The following DCC variants were observed in gnomAD, a reference collection of about 807,000 sequenced individuals.
DCC encodes the protein netrin receptor DCC.
DCC carries 58 observed loss-of-function variants against 172.5 expected under a neutral mutation model. That is an observed-to-expected ratio of 0.34 (90% confidence interval 0.27 to 0.42). The LOEUF is 0.42. DCC is among the 10% of genes least tolerant of loss of function. The pLI is 1.00. For synonymous variants in DCC, 709 were observed against 644.5 expected (o/e 1.10, Z -1.52); for missense variants, 1,740 against 1,791.0 (o/e 0.97, Z 0.51).
intron 1 of DCC, among the ~76,000 whole-genome samples, chr18:52,457,011 T>C (rs1988478881): frequency 6.6e-6 from 1 of 152,146 alleles, no homozygotes; most frequent in Non-Finnish European, 1.5e-5. Flanking sequence ...AGAATCCCAA[T>C]TATACTTCAC....
intron 2 of DCC, among the ~76,000 whole-genome samples, chr18:52,775,343 C>T (rs1210680137): frequency 6.6e-6 from 1 of 152,158 alleles, no homozygotes; most frequent in Non-Finnish European, 1.5e-5. Flanking sequence ...ATACAGGGTG[C>T]TCTCTTAGTT....
chr18:52,461,888 A>G (rs1193979319), intron 1 of DCC, among the ~76,000 whole-genome samples: 1 of 152,142 alleles, frequency 6.6e-6, no homozygotes, highest in East Asian at 1.9e-4. Flanking sequence ...AGTCTAATAG[A>G]TGCATCAAAG....
At chr18:52,954,208 C>T (rs1445598586) in intron 5 of DCC, among the ~76,000 whole-genome samples, 1 of 152,098 alleles carries the variant, frequency 6.6e-6, no homozygotes, top group African/African-American at 2.4e-5. Context: ...AACCCAAATA[C>T]CATGAGAATA....
chr18:52,655,140 G>C (rs550160667), intron 1 of DCC, among the ~76,000 whole-genome samples: 1 of 151,868 alleles, frequency 6.6e-6, no homozygotes, highest in Admixed American at 6.6e-5. Context: ...TTTTTTTTAA[G>C]AGAGAAGAGG....
At chr18:52,779,595 A>G (rs977417416) in intron 2 of DCC, among the ~76,000 whole-genome samples, 6 of 152,152 alleles carry the variant, frequency 3.9e-5, no homozygotes, top group African/African-American at 7.2e-5. Context: ...GCTATTGTGA[A>G]TGGTGCCATA....
rs149367075 is a variant in DCC at position 52,522,297 on chromosome 18, G to T, written c.91+181419G>T. On this transcript the variant is annotated intron_variant, in intron 1 of 28. Coordinates refer to ENST00000442544, the MANE Select transcript of DCC (RefSeq NM_005215.4). ...TTTACAGGCATTTTGTCTAGATCTA[G>T]ATTCCATGGAAATTATGGACATTCC... 6.0e-3 allele frequency among the ~76,000 whole-genome samples: 913 copies of T among 152,184 alleles called. 10 individuals are homozygous for T. The highest frequency in any genetic ancestry group is 0.02 in the African/African-American group (846 of 41,524).
chr18:53,128,458 C>G (rs1318842664), intron 7 of DCC, among the ~76,000 whole-genome samples: 1 of 152,012 alleles, frequency 6.6e-6, no homozygotes, highest in African/African-American at 2.4e-5. Flanking sequence ...TTGCATCCAT[C>G]CTATCCTAAC....
At chr18:52,917,947 A>G (rs1199780649) in intron 3 of DCC, among the ~76,000 whole-genome samples, 1 of 151,792 alleles carries the variant, frequency 6.6e-6, no homozygotes, top group Admixed American at 6.6e-5. Flanking sequence ...ATGCTTTTGT[A>G]GATTTTAATA....
At chr18:52,571,289 G>C (rs2144758818) in intron 1 of DCC, among the ~76,000 whole-genome samples, 1 of 152,062 alleles carries the variant, frequency 6.6e-6, no homozygotes, top group East Asian at 1.9e-4. Context: ...CTATGAGGAG[G>C]GGTCAGAGAG....
intron 1 of DCC, among the ~76,000 whole-genome samples, chr18:52,548,020 A>G (rs930620652): frequency 6.6e-6 from 1 of 152,168 alleles, no homozygotes. Context: ...GCTGATTTCT[A>G]TCCTCAGGTA....
intron 1 of DCC, among the ~76,000 whole-genome samples, chr18:52,575,410 C>A (rs1321802805): frequency 1.3e-5 from 2 of 152,134 alleles, no homozygotes. Flanking sequence ...TTATTACTCA[C>A]GTTATTCACT....
intron 1 of DCC, among the ~76,000 whole-genome samples, chr18:52,510,856 A>T (rs185667421): frequency 6.6e-6 from 1 of 152,128 alleles, no homozygotes; most frequent in Non-Finnish European, 1.5e-5. Context: ...TGGTGAACTC[A>T]GCTCCTCTCT....
chr18:53,226,175 G>T (rs917840880), intron 12 of DCC, among the ~76,000 whole-genome samples: 1 of 152,218 alleles, frequency 6.6e-6, no homozygotes, highest in Middle Eastern at 3.4e-3. Context: ...TTCGGATAGG[G>T]CCCAATGCTA....
At chr18:53,091,848 T>TATCTATCC (rs2043015972) in intron 7 of DCC, among the ~76,000 whole-genome samples, 1 of 67,206 alleles carries the variant, frequency 1.5e-5, no homozygotes, top group South Asian at 1.1e-3. Context: ...TCTATCTATC[T>TATCTATCC]ATCAATCTAT....
intron 1 of DCC, among the ~76,000 whole-genome samples, chr18:52,582,866 T>C (rs1216434804): frequency 6.6e-6 from 1 of 152,190 alleles, no homozygotes; most frequent in Non-Finnish European, 1.5e-5. Flanking sequence ...ATGACAACTT[T>C]TTTTTCTGGT....
At chr18:52,815,733 C>T (rs1055870848) in intron 2 of DCC, among the ~76,000 whole-genome samples, 3 of 152,160 alleles carry the variant, frequency 2.0e-5, no homozygotes, top group African/African-American at 7.2e-5. Context: ...AAAGCTAAAA[C>T]ATCAATAAAT....
intron 15 of DCC, among the ~76,000 whole-genome samples, chr18:53,383,383 G>A (rs925010631): frequency 6.6e-6 from 1 of 151,766 alleles, no homozygotes; most frequent in African/African-American, 2.4e-5. Flanking sequence ...ATGCATTTAT[G>A]TATATTTGGT....
chr18:53,196,913 T>A (rs17487484), intron 9 of DCC, among the ~76,000 whole-genome samples: 9 of 151,794 alleles, frequency 5.9e-5, no homozygotes, highest in African/African-American at 1.9e-4. Context: ...AATTACTGTC[T>A]TATCTCCTAA....
chr18:52,651,147 T>G (rs1227650983), intron 1 of DCC, among the ~76,000 whole-genome samples: 1 of 152,180 alleles, frequency 6.6e-6, no homozygotes, highest in Non-Finnish European at 1.5e-5. Context: ...AAGCTGTGCA[T>G]TTTTAAAAAT....
Sources: allele counts gnomAD v4.1 joint callset (sites outside exome capture counted in the v4.1 genomes callset), GRCh38; gene constraint gnomAD v4.1.1; transcripts MANE v1.5; gene names NCBI Gene and HGNC (gene_info 2026-07-23, HGNC 2026-07-21).